Variants in LHFPL3 observed in about 807,000 individuals in gnomAD.
LHFPL3 encodes LHFPL tetraspan subfamily member 3 protein.
Under a neutral mutation model 19.3 loss-of-function variants are expected in LHFPL3, and 5 were observed. That is an observed-to-expected ratio of 0.26 (90% confidence interval 0.14 to 0.54). The LOEUF (loss-of-function observed/expected upper bound fraction) is 0.54, where lower values mean the gene tolerates loss of function less well. Among genes scored for constraint, LHFPL3 ranks in the 20% least tolerant of loss-of-function variants. The probability of loss-of-function intolerance (pLI) is 0.94; values close to 1 mark genes in which losing one functional copy is unlikely to be tolerated. For synonymous variants in LHFPL3, 133 were observed against 126.2 expected (o/e 1.05, Z -0.36); for missense variants, 249 against 307.4 (o/e 0.81, Z 1.42).
intron 1 of LHFPL3, among the ~76,000 whole-genome samples, chr7:104,390,635 A>T (rs543824057): frequency 1.7e-4 from 26 of 152,284 alleles, no homozygotes; most frequent in African/African-American, 6.3e-4. Context: ...ATAGTGCCAC[A>T]ATAAACATAT....
At chr7:104,366,567 C>CA (rs1291488474) in intron 1 of LHFPL3, among the ~76,000 whole-genome samples, 18 of 152,300 alleles carry the variant, frequency 1.2e-4, no homozygotes, top group African/African-American at 3.8e-4. Flanking sequence ...TTTATCTTGC[C>CA]AAGCACCCCG....
intron 1 of LHFPL3, among the ~76,000 whole-genome samples, chr7:104,701,640 A>G (rs945915171): frequency 1.3e-5 from 2 of 152,162 alleles, no homozygotes; most frequent in Non-Finnish European, 2.9e-5. Context: ...GAGGCGTAAG[A>G]AAGTTCATGT....
chr7:104,698,999 C>T (rs1793051738), intron 1 of LHFPL3, among the ~76,000 whole-genome samples: 1 of 152,180 alleles, frequency 6.6e-6, no homozygotes, highest in Admixed American at 6.5e-5. Context: ...TACCACTTCA[C>T]ATACAGTATA....
intron 2 of LHFPL3, among the ~76,000 whole-genome samples, chr7:104,857,091 C>T (rs1791521048): frequency 6.6e-6 from 1 of 152,146 alleles, no homozygotes; most frequent in Non-Finnish European, 1.5e-5. Context: ...GAAGTAGGTA[C>T]AGGCAGATTG....
chr7:104,506,267 C>A (rs1793696732), intron 1 of LHFPL3, among the ~76,000 whole-genome samples: 2 of 151,944 alleles, frequency 1.3e-5, no homozygotes, highest in Admixed American at 1.3e-4. Flanking sequence ...AACCCCACCG[C>A]CGCAATACCT....
At chr7:104,357,868 C>A (rs985200433) in intron 1 of LHFPL3, among the ~76,000 whole-genome samples, 6 of 152,170 alleles carry the variant, frequency 3.9e-5, no homozygotes, top group African/African-American at 4.8e-5. Context: ...GGACTTTAAT[C>A]ACATCTACAA....
intron 1 of LHFPL3, among the ~76,000 whole-genome samples, chr7:104,568,811 T>C (rs926896287): frequency 6.6e-6 from 1 of 152,194 alleles, no homozygotes; most frequent in African/African-American, 2.4e-5. Flanking sequence ...CCAGAATTCA[T>C]CTCCTAAAGC....
At chr7:104,627,337 G>T (rs933023694) in intron 1 of LHFPL3, among the ~76,000 whole-genome samples, 5 of 152,106 alleles carry the variant, frequency 3.3e-5, no homozygotes, top group Admixed American at 2.0e-4. Context: ...GCATTTCATT[G>T]TGTTTATATA....
At chr7:104,582,585 G>A (rs998020379) in intron 1 of LHFPL3, among the ~76,000 whole-genome samples, 1 of 151,958 alleles carries the variant, frequency 6.6e-6, no homozygotes, top group Admixed American at 6.6e-5. Context: ...TGGATATAAT[G>A]TTAGGTACTC....
chr7:104,340,865 T>C (rs1043113747), intron 1 of LHFPL3, among the ~76,000 whole-genome samples: 1 of 152,192 alleles, frequency 6.6e-6, no homozygotes, highest in East Asian at 1.9e-4. Context: ...TTGGAAATCA[T>C]TTTGAACTGT....
intron 1 of LHFPL3, among the ~76,000 whole-genome samples, chr7:104,384,070 T>C (rs1206298185): frequency 6.6e-6 from 1 of 151,982 alleles, no homozygotes; most frequent in Non-Finnish European, 1.5e-5. Flanking sequence ...TTTTGAATAA[T>C]TGGAGCAGGA....
At chr7:104,513,368 TTGA>T (rs781578380) in intron 1 of LHFPL3, among the ~76,000 whole-genome samples, 11 of 152,178 alleles carry the variant, frequency 7.2e-5, no homozygotes, top group African/African-American at 4.8e-5. Flanking sequence ...GGAAAAATGG[TTGA>T]TAACTCCCAG....
At chr7:104,441,656 G>C (rs4730016) in intron 1 of LHFPL3, among the ~76,000 whole-genome samples, 1 of 151,924 alleles carries the variant, frequency 6.6e-6, no homozygotes, top group African/African-American at 2.4e-5. Flanking sequence ...GCTCACTGCA[G>C]CCTCCACCTC....
At chr7:104,801,223 C>T (rs1037510070) in intron 2 of LHFPL3, among the ~76,000 whole-genome samples, 2 of 152,160 alleles carry the variant, frequency 1.3e-5, no homozygotes, top group East Asian at 1.9e-4. Context: ...AACAGGTGAC[C>T]CCAAGGACCA....
At chr7:104,850,163 G>A (rs1300135177) in intron 2 of LHFPL3, among the ~76,000 whole-genome samples, 3 of 152,226 alleles carry the variant, frequency 2.0e-5, no homozygotes, top group East Asian at 1.9e-4. Flanking sequence ...TTAGCCAGGC[G>A]TGGTGGCACA....
chr7:104,554,587 A>G (rs1584397516), intron 1 of LHFPL3, among the ~76,000 whole-genome samples: 1 of 152,178 alleles, frequency 6.6e-6, no homozygotes, highest in East Asian at 1.9e-4. Context: ...CTTGGAAAGT[A>G]TATTAGTCAG....
chr7:104,685,827 G>A (rs1192617445), intron 1 of LHFPL3, among the ~76,000 whole-genome samples: 1 of 152,214 alleles, frequency 6.6e-6, no homozygotes, highest in Non-Finnish European at 1.5e-5. Flanking sequence ...CACTTCAAGA[G>A]CAGTTGTTCC....
intron 2 of LHFPL3, among the ~76,000 whole-genome samples, chr7:104,765,349 T>A (rs1794439611): frequency 6.6e-6 from 1 of 152,242 alleles, no homozygotes; most frequent in African/African-American, 2.4e-5. Context: ...CAGTGTGGAC[T>A]GCAGAATACA....
At chr7:104,814,395 T>C (rs1467103926) in intron 2 of LHFPL3, among the ~76,000 whole-genome samples, 2 of 152,150 alleles carry the variant, frequency 1.3e-5, no homozygotes, top group African/African-American at 4.8e-5. Flanking sequence ...GTTGCTCCTC[T>C]TTGCAGCTGA....
Sources: allele counts gnomAD v4.1 joint callset (sites outside exome capture counted in the v4.1 genomes callset), GRCh38; gene constraint gnomAD v4.1.1; transcripts MANE v1.5; gene names NCBI Gene and HGNC (gene_info 2026-07-23, HGNC 2026-07-21).